The following UGT2B11 variants were observed in gnomAD, a reference collection of about 807,000 sequenced individuals.
The protein encoded by UGT2B11 is UDP-glucuronosyltransferase 2B11.
In UGT2B11, 49 loss-of-function variants were observed where a neutral mutation model predicts 51.7. That is an observed-to-expected ratio of 0.95 (90% confidence interval 0.75 to 1.20). The LOEUF (loss-of-function observed/expected upper bound fraction) is 1.20. Among genes scored for constraint, UGT2B11 ranks in the 50% most tolerant of loss-of-function variants. UGT2B11 has a pLI of 0.00. For missense variants in UGT2B11, 810 were observed against 622.1 expected (o/e 1.30, Z -3.21); for synonymous variants, 273 against 209.0 (o/e 1.31, Z -2.64).
the UGT2B11 span, among the ~76,000 whole-genome samples, chr4:69,224,640 T>G: frequency 6.6e-6 from 1 of 152,000 alleles, no homozygotes; most frequent in African/African-American, 2.4e-5. Context: ...GAGATCCTCC[T>G]GGCTGGTTCA....
intron 4 of UGT2B11, 23 bp downstream of exon 4, chr4:69,205,457 G>T: frequency 6.2e-7 from 1 of 1,604,594 alleles, no homozygotes; most frequent in Non-Finnish European, 8.5e-7. Flanking sequence ...AATATATCCA[G>T]TATTTGTTCA....
chr4:69,200,463 C>A lies in UGT2B11; in HGVS notation c.1567G>T (p.Gly523Trp), dbSNP rs1329086651. ...LFCFWKFARK[G>W]KKGKRD ...AACTAATCTCTTTTTCCCTTCTTCC[C>A]TTTTCTAGCAAACTTCCAGAAACAA... Residue 523 changes from glycine to tryptophan, a missense_variant, in exon 6 of 6, where the codon GGG (glycine) becomes TGG (tryptophan). Physicochemically the swap from Gly to Trp is radical, Grantham distance 184. Coordinates refer to ENST00000446444, the MANE Select transcript of UGT2B11 (RefSeq NM_001073.3). 12 of 1,611,514 alleles carry A rather than the reference C, an allele frequency of 7.4e-6. No homozygotes were observed. The highest frequency in any genetic ancestry group is 9.3e-6 in the Non-Finnish European group (11 of 1,178,558).
upstream of UGT2B11, among the ~76,000 whole-genome samples, chr4:69,218,222 C>T (rs959173414): frequency 6.6e-6 from 1 of 151,926 alleles, no homozygotes; most frequent in African/African-American, 2.4e-5. Context: ...TTGGAGCCAC[C>T]CAGCATTTGA....
chr4:69,201,337 C>T (rs1385411307), intron 5 of UGT2B11: 4 of 151,806 alleles, frequency 2.6e-5, no homozygotes, highest in Admixed American at 2.0e-4. Flanking sequence ...ACTCTTTTGT[C>T]TCCTACTGTT....
chr4:69,214,261 A>T lies in UGT2B11; in HGVS notation c.462T>A (p.Phe154Leu), dbSNP rs747318652. The change falls in exon 1 of 6, where the codon TTT (phenylalanine) becomes TTA (leucine). Residue 154 changes from phenylalanine (F) to leucine (L), a missense_variant. Physicochemically the swap from Phe to Leu is conservative, Grantham distance 22. Coordinates refer to ENST00000446444, the MANE Select transcript of UGT2B11 (RefSeq NM_001073.3). ...GCGCAGCCAGCAGCTCACCACAGGGAAAAACAGCATCTGCAAAAACGATGT... is the reference window on the plus strand; with the variant it reads ...GCGCAGCCAGCAGCTCACCACAGGGTAAAACAGCATCTGCAAAAACGATGT... Reference protein sequence around the residue: ...RFDIVFADAVFPCGELLAALL... With the variant: ...RFDIVFADAVLPCGELLAALL... 7.4e-6 allele frequency: 12 copies of T among 1,613,294 alleles called. No individual in the cohort carries two copies. The highest frequency in any genetic ancestry group is 2.2e-5 in the East Asian group (1 of 44,806).
intron 5 of UGT2B11, 109 bp downstream of exon 5, chr4:69,204,321 T>C: frequency 6.7e-7 from 1 of 1,489,994 alleles, no homozygotes; most frequent in Non-Finnish European, 9.1e-7. Context: ...TTATATCATT[T>C]AAATTCTTTC....
chr4:69,218,085 T>C (rs945034681), upstream of UGT2B11, among the ~76,000 whole-genome samples: 7 of 152,172 alleles, frequency 4.6e-5, no homozygotes, highest in Non-Finnish European at 7.4e-5. Context: ...ATTCAAACCA[T>C]TGAATTGAAT....
chr4:69,214,648 T>G lies in UGT2B11; in HGVS notation c.75A>C (p.Lys25Asn). ...SCYFSSGSCG[K>N]VLVWAAEYSH... ...TGTATTCTGCGGCCCACACCAGCACTTTTCCACAACTCCCAGAGCTAAAGT... is the reference window on the plus strand; with the variant it reads ...TGTATTCTGCGGCCCACACCAGCACGTTTCCACAACTCCCAGAGCTAAAGT... The change falls in exon 1 of 6, where the codon AAA becomes AAC. Residue 25 changes from lysine (K) to asparagine (N), a missense_variant. Physicochemically the swap from Lys to Asn is moderately conservative, Grantham distance 94 (BLOSUM62 0). Transcript: ENST00000446444. 1.9e-6 allele frequency: 3 copies of G among 1,613,058 alleles called. No individual in the cohort carries two copies. Among genetic ancestry groups the G allele is most frequent in the Non-Finnish European group, 2.5e-6 (3 of 1,179,294 alleles).
upstream of UGT2B11, among the ~76,000 whole-genome samples, chr4:69,217,079 A>G (rs1722293474): frequency 6.6e-6 from 1 of 152,106 alleles, no homozygotes; most frequent in East Asian, 1.9e-4. Context: ...AATTACAGTT[A>G]CTTTGCTTCA....
intron 2 of UGT2B11, among the ~76,000 whole-genome samples, chr4:69,210,909 GT>G (rs1164667161): frequency 6.6e-6 from 1 of 151,660 alleles, no homozygotes; most frequent in Non-Finnish European, 1.5e-5. Context: ...TTTAAAATAT[GT>G]GAGGTTCTTG....
rs755119215 is a variant in UGT2B11 at position 69,200,676 on chromosome 4, G to A, written c.1354C>T (p.Gln452Ter). 1 of 1,611,922 alleles carries A rather than the reference G, an allele frequency of 6.2e-7. No homozygotes were observed. Among genetic ancestry groups the A allele is most frequent in the Non-Finnish European group, 8.5e-7 (1 of 1,178,696 alleles). ...IMKLSRIQHDQPVKPLDRAVF... is the reference protein window; with the variant it reads ...IMKLSRIQHD ...GCTCGATCCAGGGGCTTTACTGGTT[G>A]ATCATGTTGAATTCTTGATAATTTC... The change falls in exon 6 of 6, where the codon CAA becomes TAA. Residue 452 changes from glutamine to a stop codon, truncating the protein, a stop_gained. Transcript: ENST00000446444. LOFTEE classifies it high-confidence loss of function.
At chr4:69,204,684 A>T (rs768708260) in intron 4 of UGT2B11, 35 bp from the exon 5 acceptor site, 139 of 1,609,912 alleles carry the variant, frequency 8.6e-5, no homozygotes, top group Non-Finnish European at 1.1e-4. Flanking sequence ...AATTATTCAT[A>T]GGAATAAAAT....
chr4:69,214,904 G>A, upstream of UGT2B11: 2 of 963,232 alleles, frequency 2.1e-6, no homozygotes, highest in Non-Finnish European at 3.0e-6. Flanking sequence ...TTTACTCAAG[G>A]ATGTTTTATG....
At chr4:69,208,942 A>T (rs13107183) in intron 2 of UGT2B11, among the ~76,000 whole-genome samples, 1 of 151,720 alleles carries the variant, frequency 6.6e-6, no homozygotes, top group Non-Finnish European at 1.5e-5. Context: ...TTAGTGGTCT[A>T]CTTCCCTAAA....
the UGT2B11 span, among the ~76,000 whole-genome samples, chr4:69,224,886 C>T: frequency 6.6e-6 from 1 of 152,152 alleles, no homozygotes; most frequent in East Asian, 1.9e-4. Flanking sequence ...GCGGGAAATA[C>T]ATGTGTGGGA....
intron 2 of UGT2B11, among the ~76,000 whole-genome samples, chr4:69,209,114 A>G (rs1177150681): frequency 6.6e-6 from 1 of 151,716 alleles, no homozygotes; most frequent in African/African-American, 2.4e-5. Flanking sequence ...AGAATCACTG[A>G]CATTCCTGAG....
intron 4 of UGT2B11, 89 bp from the exon 5 acceptor site, chr4:69,204,738 A>G: frequency 6.3e-7 from 1 of 1,589,306 alleles, no homozygotes; most frequent in Admixed American, 1.8e-5. Context: ...TGTTTTCTAG[A>G]TAACACATTG....
upstream of UGT2B11, among the ~76,000 whole-genome samples, chr4:69,219,361 T>C (rs1175870233): frequency 6.6e-6 from 1 of 152,202 alleles, no homozygotes; most frequent in Non-Finnish European, 1.5e-5. Flanking sequence ...ATCAGATGCA[T>C]AGTTTACAAT....
At position 69,214,487 on chromosome 4, in the gene UGT2B11, G is replaced by A. The variant is rs941256074; in HGVS notation, c.236C>T (p.Thr79Ile). ...CTCAAATTCAGTTTTAGTTAAAGAT[G>A]TAGGATAAACTTCAAATTTAAGAGT... ...ASTLKFEVYP[T>I]SLTKTEFENI... The change falls in exon 1 of 6, where the codon ACA (threonine) becomes ATA (isoleucine). Residue 79 changes from threonine to isoleucine, a missense_variant. Thr to Ile is a moderately conservative substitution (Grantham distance 89, BLOSUM62 -1). Transcript: ENST00000446444. 1 of 1,613,102 alleles carries A rather than the reference G, an allele frequency of 6.2e-7. No individual in the cohort carries two copies. The highest frequency in any genetic ancestry group is 8.5e-7 in the Non-Finnish European group (1 of 1,179,512).
Sources: gnomAD v4.1 joint callset for allele counts (sites outside exome capture counted in the v4.1 genomes callset) on GRCh38, gnomAD v4.1.1 for gene constraint, MANE v1.5 for transcripts, NCBI Gene and HGNC (gene_info 2026-07-23, HGNC 2026-07-21) for gene names.